Variants in GALNTL6 observed in about 807,000 individuals in gnomAD.
GALNTL6 encodes the protein polypeptide N-acetylgalactosaminyltransferase-like 6.
In GALNTL6, 46 loss-of-function variants were observed where a neutral mutation model predicts 73.7. That is an observed-to-expected ratio of 0.62 (90% CI 0.49 to 0.80). The LOEUF is 0.80. Among genes scored for constraint, GALNTL6 ranks in the 30% least tolerant of loss-of-function variants. The probability of loss-of-function intolerance (pLI) is 0.00; values close to 1 mark genes in which losing one functional copy is unlikely to be tolerated. For synonymous variants in GALNTL6, 259 were observed against 263.7 expected (o/e 0.98, Z 0.17); for missense variants, 604 against 755.0 (o/e 0.80, Z 2.34).
chr4:173,022,066 G>GGAAA lies in GALNTL6; in HGVS notation c.1638+444_1638+445insAGAA, dbSNP rs750159852. 5.6e-3 allele frequency among the ~76,000 whole-genome samples: 659 copies of GGAAA among 118,490 alleles called. 21 individuals are homozygous for GGAAA. The highest frequency in any genetic ancestry group is 0.014 in the African/African-American group (390 of 27,448). The allele number at this position is 118,490 out of a possible 152,430, so 77.7% of individuals were successfully genotyped here. ...AGGAAGGAAGGAAGGAAGGAAGGAAGGAAGGAAGGAAGGAAGGAAGGAAAG... is the reference window on the plus strand; with the variant it reads ...AGGAAGGAAGGAAGGAAGGAAGGAAGGAAAGAAGGAAGGAAGGAAGGAAGGAAAG... On this transcript the variant is annotated intron_variant, in intron 12 of 12. Transcript: ENST00000506823.
chr4:173,020,291 C>T lies in GALNTL6; in HGVS notation c.1489-1185C>T, dbSNP rs1449515872. ...TAAAGCCAACTTAGTGCATAAGTCA[C>T]ATTTTTAATATAATAGAATGGGATG... is the stretch of plus-strand genomic sequence containing the variant. On this transcript the variant is annotated intron_variant, in intron 11 of 12. Transcript: ENST00000506823. Among the ~76,000 whole-genome samples, 4 of 152,278 alleles carry T rather than the reference C, an allele frequency of 2.6e-5. No homozygotes were observed. The East Asian group carries it at 5.8e-4, about 22-fold the overall frequency.
rs115875174 is a variant in GALNTL6, at chr4:172,375,498, T to C, written c.553+26809T>C. Among the ~76,000 whole-genome samples, 1,120 of 152,272 alleles carry C rather than the reference T, an allele frequency of 7.4e-3. 13 individuals carry two copies. The highest frequency in any genetic ancestry group is 0.025 in the African/African-American group (1,056 of 41,548). ...CAAAAATGCCCCCAGTTTTGGTTTG[T>C]TTGTTTCTACCCTTGCCCAAGAACC... On this transcript the variant is annotated intron_variant, in intron 5 of 12. Coordinates refer to ENST00000506823, the MANE Select transcript of GALNTL6 (RefSeq NM_001034845.3).
chr4:172,809,623 C>T lies in GALNTL6; in HGVS notation c.739+77C>T. The T allele has an allele frequency of 8.5e-7, 1 of 1,172,648 alleles. No individual in the cohort carries two copies. 72.6% of individuals were successfully genotyped at this position (1,172,648 alleles called of 1,614,324 possible). On this transcript the variant is annotated intron_variant, in intron 6 of 12. Coordinates refer to ENST00000506823, the MANE Select transcript of GALNTL6 (RefSeq NM_001034845.3). This position sits in a 1 kb window ranked among gnomAD's most constrained non-coding sequence, Gnocchi z 4.4. ...GGTTTGCTTCTATTTAGTTTGCAATCAGCAAACACTAGAGGTCCCTTCTAC... is the reference window on the plus strand; with the variant it reads ...GGTTTGCTTCTATTTAGTTTGCAATTAGCAAACACTAGAGGTCCCTTCTAC...
intron 10 of GALNTL6, among the ~76,000 whole-genome samples, chr4:172,960,610 T>G (rs1233630664): frequency 6.6e-6 from 1 of 152,086 alleles, no homozygotes; most frequent in Middle Eastern, 3.4e-3. Context: ...GAACAGAGAC[T>G]AGGGAGGGAA....
At chr4:171,905,818 T>G (rs1421304266) in intron 2 of GALNTL6, among the ~76,000 whole-genome samples, 1 of 151,530 alleles carries the variant, frequency 6.6e-6, no homozygotes, top group Non-Finnish European at 1.5e-5. Context: ...GCAATCAAAC[T>G]AGAACTCAGG....
chr4:172,722,008 C>T (rs1470562123), intron 5 of GALNTL6, among the ~76,000 whole-genome samples: 18 of 146,488 alleles, frequency 1.2e-4, no homozygotes, highest in Admixed American at 9.7e-4. Context: ...TTCCCAAAAT[C>T]GTGACTCCCT....
At chr4:172,626,422 A>G (rs951501577) in intron 5 of GALNTL6, among the ~76,000 whole-genome samples, 2 of 152,054 alleles carry the variant, frequency 1.3e-5, no homozygotes, top group African/African-American at 4.8e-5. Flanking sequence ...GCCTTATAGT[A>G]TACTTGGAAG....
At chr4:172,364,236 A>G (rs1205286406) in intron 5 of GALNTL6, among the ~76,000 whole-genome samples, 1 of 152,150 alleles carries the variant, frequency 6.6e-6, no homozygotes, top group Non-Finnish European at 1.5e-5. Flanking sequence ...TAGCTTGGGT[A>G]AAATAGCAAG....
intron 5 of GALNTL6, among the ~76,000 whole-genome samples, chr4:172,807,863 C>G (rs566794577): frequency 7.2e-5 from 11 of 152,300 alleles, no homozygotes; most frequent in African/African-American, 2.6e-4. Flanking sequence ...CACTCTATTG[C>G]CCAGGCTGGA....
chr4:172,328,198 G>T (rs1299944841), intron 4 of GALNTL6, among the ~76,000 whole-genome samples: 3 of 152,012 alleles, frequency 2.0e-5, no homozygotes, highest in African/African-American at 7.2e-5. Flanking sequence ...TTTTCTTTAA[G>T]AATGTTGAAT....
intron 5 of GALNTL6, among the ~76,000 whole-genome samples, chr4:172,449,129 T>A (rs1426179078): frequency 1.3e-5 from 2 of 152,120 alleles, no homozygotes; most frequent in Non-Finnish European, 1.5e-5. Flanking sequence ...TTTACAATAG[T>A]GAAAATAGCC....
At chr4:171,919,742 G>A (rs1294196368) in intron 2 of GALNTL6, among the ~76,000 whole-genome samples, 1 of 152,082 alleles carries the variant, frequency 6.6e-6, no homozygotes, top group African/African-American at 2.4e-5. Flanking sequence ...AGGGCGCTCA[G>A]CAGAGAAGCA....
At chr4:172,716,219 C>G (rs1263428724) in intron 5 of GALNTL6, among the ~76,000 whole-genome samples, 3 of 152,070 alleles carry the variant, frequency 2.0e-5, no homozygotes, top group African/African-American at 4.8e-5. Flanking sequence ...ACAGAAAAAC[C>G]CACACAACAA....
intron 2 of GALNTL6, among the ~76,000 whole-genome samples, chr4:171,874,430 C>A (rs941534026): frequency 6.6e-6 from 1 of 152,086 alleles, no homozygotes; most frequent in Non-Finnish European, 1.5e-5. Flanking sequence ...CCTCAAATGA[C>A]CTGTCCATCT....
At chr4:171,857,134 G>C (rs1452607744) in intron 2 of GALNTL6, among the ~76,000 whole-genome samples, 1 of 152,050 alleles carries the variant, frequency 6.6e-6, no homozygotes, top group Non-Finnish European at 1.5e-5. Flanking sequence ...TTAGTGTATA[G>C]TAACATATTC....
chr4:172,884,659 T>C (rs1214256837), intron 8 of GALNTL6, among the ~76,000 whole-genome samples: 1 of 152,192 alleles, frequency 6.6e-6, no homozygotes, highest in Non-Finnish European at 1.5e-5. Flanking sequence ...TTGTTCCATG[T>C]GCTTTTGAGA....
chr4:171,993,061 T>C (rs774161702), intron 2 of GALNTL6, among the ~76,000 whole-genome samples: 1 of 152,042 alleles, frequency 6.6e-6, no homozygotes, highest in Non-Finnish European at 1.5e-5. Context: ...ATGGTAATAA[T>C]CTGTTTTCGT....
chr4:172,138,226 G>A (rs1733686762), intron 2 of GALNTL6, among the ~76,000 whole-genome samples: 2 of 151,388 alleles, frequency 1.3e-5, no homozygotes, highest in South Asian at 4.2e-4. Flanking sequence ...GAAGCTAAAT[G>A]ATAGACTATA....
chr4:172,340,448 G>A (rs1741521097), intron 4 of GALNTL6, among the ~76,000 whole-genome samples: 1 of 152,098 alleles, frequency 6.6e-6, no homozygotes, highest in Non-Finnish European at 1.5e-5. Context: ...TTGGCCTATA[G>A]TTTTTCTTTC....
Sources: allele counts gnomAD v4.1 joint callset (sites outside exome capture counted in the v4.1 genomes callset), GRCh38; gene constraint gnomAD v4.1.1; non-coding constraint Gnocchi (gnomAD v3.1); transcripts MANE v1.5; gene names NCBI Gene and HGNC (gene_info 2026-07-23, HGNC 2026-07-21).